Variants in CDC42BPA observed in about 807,000 individuals in gnomAD.
CDC42BPA encodes the protein CDC42 binding protein kinase alpha.
A neutral mutation model predicts 223.5 loss-of-function variants in CDC42BPA; 80 were observed. The observed-to-expected ratio is 0.36, with a 90% CI of 0.30 to 0.43. The LOEUF (loss-of-function observed/expected upper bound fraction) is 0.43, where lower values mean the gene tolerates loss of function less well. CDC42BPA is among the 20% of genes least tolerant of loss of function. The pLI, the probability that CDC42BPA is intolerant of heterozygous loss-of-function variation, is 1.00. For synonymous variants in CDC42BPA, 694 were observed against 718.6 expected, an observed-to-expected ratio of 0.97 and a Z score of 0.55; for missense variants, 1,743 against 2,099.9, an observed-to-expected ratio of 0.83 and a Z score of 3.32.
rs145621774 is a variant in CDC42BPA at position 227,141,939 on chromosome 1, AGC to A, written c.1223+1004_1223+1005del. On this transcript the variant is annotated intron_variant, in intron 9 of 36. Transcript: ENST00000366766. Reference sequence around the variant, plus strand: ...AGCTAGGACTGCACCACTGCATTCCAGCCCTTCTGCTGCCCAGAACAAGACCC... The same window carrying A: ...AGCTAGGACTGCACCACTGCATTCCACCTTCTGCTGCCCAGAACAAGACCC... 1.3e-3 allele frequency among the ~76,000 whole-genome samples: 198 copies of A among 152,312 alleles called. 3 individuals are homozygous for A. The East Asian group carries it at 0.031, about 24-fold the overall frequency.
chr1:227,296,798 CA>C, intron 1 of CDC42BPA, among the ~76,000 whole-genome samples: 1 of 146,688 alleles, frequency 6.8e-6, no homozygotes, highest in Admixed American at 6.8e-5. Context: ...AATATCACAC[CA>C]AAAGCACAAG....
chr1:227,056,031 T>C (rs1470790367), intron 21 of CDC42BPA, among the ~76,000 whole-genome samples: 1 of 152,188 alleles, frequency 6.6e-6, no homozygotes, highest in Non-Finnish European at 1.5e-5. Flanking sequence ...ATTTTTACAG[T>C]AGTACATTTA....
At chr1:227,006,056 T>C (rs1228559725) in intron 34 of CDC42BPA, among the ~76,000 whole-genome samples, 3 of 152,238 alleles carry the variant, frequency 2.0e-5, no homozygotes, top group Non-Finnish European at 2.9e-5. Context: ...TTATAAATCC[T>C]GGAGAAGACA....
intron 5 of CDC42BPA, chr1:227,180,620 TG>T (rs1274377865): frequency 7.9e-5 from 12 of 152,188 alleles, no homozygotes; most frequent in Non-Finnish European, 1.0e-4. Context: ...CAATATCAGT[TG>T]GTAACATTTT....
chr1:227,037,658 C>G (rs772855858), intron 24 of CDC42BPA, among the ~76,000 whole-genome samples: 4 of 152,166 alleles, frequency 2.6e-5, no homozygotes, highest in Non-Finnish European at 5.9e-5. Context: ...CCTTCCCATT[C>G]TAACAGCAGA....
At chr1:226,997,822 A>C (rs1661952939) in intron 35 of CDC42BPA, among the ~76,000 whole-genome samples, 1 of 152,072 alleles carries the variant, frequency 6.6e-6, no homozygotes, top group Non-Finnish European at 1.5e-5. Flanking sequence ...GAGACTTATA[A>C]TTTCCATTCC....
chr1:227,128,320 G>A lies in CDC42BPA; in HGVS notation c.1513+789C>T, dbSNP rs138590549. ...CACCTTCTCAGTCAGGCCTACCCCT[G>A]GAGCACTATATTTAAAATGATAAAA... On this transcript the variant is annotated intron_variant, in intron 11 of 36. Transcript: ENST00000366766. Among the ~76,000 whole-genome samples the A allele has an allele frequency of 4.1e-3, 617 of 152,154 alleles. 19 individuals are homozygous for A. Among genetic ancestry groups the A allele is most frequent in the Admixed American group, 0.028 (433 of 15,280 alleles).
intron 5 of CDC42BPA, among the ~76,000 whole-genome samples, chr1:227,162,491 T>A (rs1453181285): frequency 6.6e-6 from 1 of 152,192 alleles, no homozygotes; most frequent in African/African-American, 2.4e-5. Context: ...GACACCAAAC[T>A]GTGCATTGCC....
At chr1:227,061,139 T>C (rs1675847048) in intron 21 of CDC42BPA, among the ~76,000 whole-genome samples, 1 of 152,160 alleles carries the variant, frequency 6.6e-6, no homozygotes, top group African/African-American at 2.4e-5. Context: ...AGTTTTTCCA[T>C]TATGGAGGCT....
intron 10 of CDC42BPA, among the ~76,000 whole-genome samples, chr1:227,134,895 G>A (rs1345988574): frequency 2.6e-5 from 4 of 152,106 alleles, no homozygotes; most frequent in East Asian, 1.9e-4. Context: ...GAAGCAACAG[G>A]TCACTGCTTT....
At chr1:227,066,665 A>G (rs549266980) in intron 21 of CDC42BPA, among the ~76,000 whole-genome samples, 2 of 152,272 alleles carry the variant, frequency 1.3e-5, no homozygotes, top group South Asian at 4.1e-4. Flanking sequence ...CTGAGTGATG[A>G]AGAGCTAAGA....
chr1:227,180,367 TAAGAA>T (rs1667733975), intron 5 of CDC42BPA: 1 of 152,156 alleles, frequency 6.6e-6, no homozygotes, highest in Admixed American at 6.5e-5. Context: ...ACAGGTGATC[TAAGAA>T]AAGAAACTGT....
intron 26 of CDC42BPA, among the ~76,000 whole-genome samples, chr1:227,033,671 T>C (rs1301109061): frequency 1.3e-5 from 2 of 152,212 alleles, no homozygotes; most frequent in African/African-American, 2.4e-5. Flanking sequence ...CAGTTAAGTA[T>C]ACACGTAGAA....
intron 9 of CDC42BPA, among the ~76,000 whole-genome samples, chr1:227,141,879 G>T (rs979488332): frequency 1.3e-5 from 2 of 152,134 alleles, no homozygotes; most frequent in Non-Finnish European, 1.5e-5. Context: ...TGAGGCAGGG[G>T]GATCATTTGT....
chr1:227,105,661 G>T (rs186788720), intron 14 of CDC42BPA, among the ~76,000 whole-genome samples: 1 of 152,066 alleles, frequency 6.6e-6, no homozygotes, highest in East Asian at 1.9e-4. Flanking sequence ...GCCTGAATTT[G>T]CCTATTCTAA....
intron 14 of CDC42BPA, among the ~76,000 whole-genome samples, chr1:227,107,899 T>C (rs1422309075): frequency 6.6e-6 from 1 of 152,176 alleles, no homozygotes; most frequent in Admixed American, 6.6e-5. Context: ...CTTATAATTC[T>C]TTTGTTTTCT....
In CDC42BPA at chr1:227,317,929, C is replaced by T. The variant is rs909987623; in HGVS notation, c.-747G>A. 5 of 398,240 alleles carry T rather than the reference C, an allele frequency of 1.3e-5. No homozygotes were observed. Among genetic ancestry groups the T allele is most frequent in the Non-Finnish European group, 2.2e-5 (5 of 225,904 alleles). The allele number at this position is 398,240 out of a possible 1,614,324, so 24.7% of individuals were successfully genotyped here. A position where few individuals can be genotyped will look rare whatever the true frequency, so the allele number is the denominator to read the frequency against. On this transcript the variant is annotated 5_prime_UTR_variant, in exon 1 of 37. Transcript: ENST00000366766. ...CGGTGAAAACTCTTCATTTTCCTCC[C>T]GGCTTCACCCTAGGGCCTGACCGGC... is the stretch of plus-strand genomic sequence containing the variant.
chr1:227,067,716 T>C (rs188701638), intron 21 of CDC42BPA, among the ~76,000 whole-genome samples: 55 of 152,296 alleles, frequency 3.6e-4, no homozygotes, highest in African/African-American at 1.2e-3. Context: ...TTTTGTTCAA[T>C]AATTTTTAAA....
At chr1:227,038,496 C>T (rs1318475857) in intron 24 of CDC42BPA, among the ~76,000 whole-genome samples, 1 of 152,112 alleles carries the variant, frequency 6.6e-6, no homozygotes, top group Non-Finnish European at 1.5e-5. Context: ...CATTAATTTG[C>T]CAGGGAAAAA....
Sources: allele counts gnomAD v4.1 joint callset (sites outside exome capture counted in the v4.1 genomes callset), GRCh38; gene constraint gnomAD v4.1.1; transcripts MANE v1.5; gene names NCBI Gene and HGNC (gene_info 2026-07-23, HGNC 2026-07-21).